Variants in COLEC10 observed in about 807,000 individuals in gnomAD.
COLEC10 encodes collectin subfamily member 10, also known as collectin-10.
Under a neutral mutation model 28.4 loss-of-function variants are expected in COLEC10, and 22 were observed. The observed-to-expected ratio is 0.78, with a 90% CI of 0.55 to 1.11. The LOEUF is 1.11. Ranked by LOEUF, COLEC10 falls within the 50% of genes least tolerant of loss-of-function variation. COLEC10 has a pLI of 0.00. For synonymous variants in COLEC10, 125 were observed against 116.1 expected (o/e 1.08, Z -0.49); for missense variants, 361 against 344.1 (o/e 1.05, Z -0.39).
intron 3 of COLEC10, among the ~76,000 whole-genome samples, chr8:119,101,796 T>TTTTTG (rs751562392): frequency 1.9e-3 from 288 of 152,284 alleles, no homozygotes; most frequent in Non-Finnish European, 3.2e-3. Context: ...TACATGTGTT[T>TTTTTG]TTTTGTTTTG....
chr8:118,975,136 G>A, the COLEC10 span, among the ~76,000 whole-genome samples: 3 of 152,000 alleles, frequency 2.0e-5, no homozygotes, highest in African/African-American at 7.2e-5. Context: ...AATAAAAGCT[G>A]AGGAGAAACA....
At chr8:119,072,877 A>G (rs770222778) in intron 1 of COLEC10, among the ~76,000 whole-genome samples, 14 of 152,180 alleles carry the variant, frequency 9.2e-5, no homozygotes, top group Non-Finnish European at 1.9e-4. Flanking sequence ...CAACTGAAAA[A>G]TAGATTTCTA....
intron 2 of COLEC10, among the ~76,000 whole-genome samples, chr8:119,056,588 C>A (rs1455819556): frequency 6.6e-6 from 1 of 151,992 alleles, no homozygotes; most frequent in Non-Finnish European, 1.5e-5. Context: ...CACGGTGCTA[C>A]TATGTCATGA....
intron 2 of COLEC10, among the ~76,000 whole-genome samples, chr8:119,038,809 C>T (rs946184567): frequency 6.6e-6 from 1 of 152,090 alleles, no homozygotes; most frequent in African/African-American, 2.4e-5. Flanking sequence ...AGAGCAGTTT[C>T]CCACCTTCAT....
rs114878704 is a variant in COLEC10 at position 119,013,714 on chromosome 8, C to T, written n.235+4161C>T. Reference sequence around the variant, plus strand: ...TTAAAAACTGATCAGTTCTTCATTACGTAATGCCCCTCCTTTTTCCTAATT... The same window carrying T: ...TTAAAAACTGATCAGTTCTTCATTATGTAATGCCCCTCCTTTTTCCTAATT... On this transcript the variant is annotated intron_variant and non_coding_transcript_variant, in intron 2 of 6. Coordinates refer to the COLEC10 transcript ENST00000521788. 3.6e-3 allele frequency among the ~76,000 whole-genome samples: 538 copies of T among 150,758 alleles called. 37 individuals carry two copies. The highest frequency in any genetic ancestry group is 0.012 in the African/African-American group (490 of 40,384).
intron 5 of COLEC10, among the ~76,000 whole-genome samples, chr8:119,104,595 T>C (rs1815901679): frequency 6.6e-6 from 1 of 152,180 alleles, no homozygotes; most frequent in African/African-American, 2.4e-5. Flanking sequence ...ACTATTATAA[T>C]TACAGTTAAA....
chr8:119,000,219 T>C (rs1813668225), intron 1 of COLEC10, among the ~76,000 whole-genome samples: 1 of 152,172 alleles, frequency 6.6e-6, no homozygotes, highest in Admixed American at 6.6e-5. Flanking sequence ...TGATTATTTT[T>C]CTGGGAACTA....
At chr8:119,085,970 C>T (rs1056567400) in intron 1 of COLEC10, among the ~76,000 whole-genome samples, 1 of 152,046 alleles carries the variant, frequency 6.6e-6, no homozygotes, top group African/African-American at 2.4e-5. Flanking sequence ...ACAACAACTC[C>T]CCAGTCTATA....
At chr8:119,049,406 T>TTC (rs1814638097) in intron 2 of COLEC10, among the ~76,000 whole-genome samples, 1 of 82,348 alleles carries the variant, frequency 1.2e-5, no homozygotes, top group Admixed American at 1.2e-4. Context: ...CTTTTCTTTT[T>TTC]TTTTTTTTTT....
chr8:119,008,547 G>C (rs190239101), intron 1 of COLEC10, among the ~76,000 whole-genome samples: 1 of 149,710 alleles, frequency 6.7e-6, no homozygotes, highest in Non-Finnish European at 1.5e-5. Flanking sequence ...TCAAAAGTTC[G>C]CATCTCTTCA....
At chr8:119,096,808 C>T (rs909308887) in intron 3 of COLEC10, among the ~76,000 whole-genome samples, 5 of 151,854 alleles carry the variant, frequency 3.3e-5, no homozygotes, top group Non-Finnish European at 7.4e-5. Flanking sequence ...AACAAAAGAA[C>T]ATATTTGACT....
chr8:119,070,076 TA>T (rs1815072800), intron 1 of COLEC10, among the ~76,000 whole-genome samples: 1 of 152,008 alleles, frequency 6.6e-6, no homozygotes, highest in Admixed American at 6.5e-5. Flanking sequence ...ATACAGATAT[TA>T]TTTTTAAAGT....
At chr8:119,089,180 C>T (rs1815539733) in intron 1 of COLEC10, among the ~76,000 whole-genome samples, 1 of 152,156 alleles carries the variant, frequency 6.6e-6, no homozygotes, top group Non-Finnish European at 1.5e-5. Flanking sequence ...CTACAGTTGC[C>T]TATGATTAAG....
chr8:119,075,730 G>A (rs561064282), intron 1 of COLEC10, among the ~76,000 whole-genome samples: 13 of 152,092 alleles, frequency 8.5e-5, no homozygotes, highest in Admixed American at 6.5e-4. Flanking sequence ...TCTTGCATGC[G>A]ATTTGACCAC....
the COLEC10 span, among the ~76,000 whole-genome samples, chr8:118,956,989 C>G: frequency 6.6e-6 from 1 of 152,114 alleles, no homozygotes; most frequent in Admixed American, 6.5e-5. Flanking sequence ...AGAGTGAATT[C>G]CTTCCTGAAA....
At chr8:118,989,701 A>C in the COLEC10 span, among the ~76,000 whole-genome samples, 1 of 151,128 alleles carries the variant, frequency 6.6e-6, no homozygotes, top group Non-Finnish European at 1.5e-5. Flanking sequence ...TTGTGGTGAA[A>C]GGATGAAGGC....
At chr8:119,090,849 C>T (rs1330575437) in intron 2 of COLEC10, among the ~76,000 whole-genome samples, 1 of 152,182 alleles carries the variant, frequency 6.6e-6, no homozygotes, top group Admixed American at 6.5e-5. Flanking sequence ...AATACTTTCA[C>T]CTGGCCCTTC....
the COLEC10 span, among the ~76,000 whole-genome samples, chr8:118,987,973 C>A: frequency 6.6e-6 from 1 of 152,116 alleles, no homozygotes; most frequent in Non-Finnish European, 1.5e-5. Context: ...TAAAAATCAA[C>A]GCATGTTTGG....
chr8:119,071,697 C>T (rs1156305106), intron 1 of COLEC10, among the ~76,000 whole-genome samples: 1 of 152,030 alleles, frequency 6.6e-6, no homozygotes, highest in African/African-American at 2.4e-5. Context: ...TGCAAGCTTC[C>T]CGAATGGACA....
Sources: allele counts gnomAD v4.1 joint callset (sites outside exome capture counted in the v4.1 genomes callset), GRCh38; gene constraint gnomAD v4.1.1; transcripts MANE v1.5; gene names NCBI Gene and HGNC (gene_info 2026-07-23, HGNC 2026-07-21).